The following LGALS9 variants were observed in gnomAD, a reference collection of about 807,000 sequenced individuals.
LGALS9 encodes the protein galectin-9.
A neutral mutation model predicts 35.9 loss-of-function variants in LGALS9; 26 were observed. The ratio of observed to expected loss-of-function variants is 0.72; its 90% confidence interval spans 0.53 to 1.01. The LOEUF is 1.01. Ranked by LOEUF, LGALS9 falls within the 50% of genes least tolerant of loss-of-function variation. The pLI, the probability that LGALS9 is intolerant of heterozygous loss-of-function variation, is 0.00. For synonymous variants in LGALS9, 149 were observed against 172.2 expected, an observed-to-expected ratio of 0.87 and a Z score of 1.06; for missense variants, 347 against 445.8, an observed-to-expected ratio of 0.78 and a Z score of 1.99.
chr17:27,645,113 C>T (rs567384490), intron 5 of LGALS9: 27 of 998,330 alleles, frequency 2.7e-5, no homozygotes, highest in Admixed American at 7.5e-5. Context: ...ACCCTACCCC[C>T]CAACCCCAAA....
At chr17:27,642,467 A>C (rs1598185141) in intron 4 of LGALS9, 119 bp downstream of exon 4, 4 of 1,428,950 alleles carry the variant, frequency 2.8e-6, no homozygotes, top group Non-Finnish European at 3.7e-6. Flanking sequence ...TCTGGGGACA[A>C]CCTCTGCTTC....
intron 2 of LGALS9, among the ~76,000 whole-genome samples, chr17:27,639,323 G>A (rs950303698): frequency 1.2e-4 from 18 of 151,872 alleles, no homozygotes; most frequent in African/African-American, 2.7e-4. Flanking sequence ...CTGATCTTCC[G>A]CCCCTTCCTC....
At chr17:27,635,934 G>T (rs2074445695) in intron 1 of LGALS9, among the ~76,000 whole-genome samples, 1 of 152,212 alleles carries the variant, frequency 6.6e-6, no homozygotes, top group Admixed American at 6.5e-5. Flanking sequence ...TGCTGGTGTA[G>T]ACAGGGACAA....
At chr17:27,638,684 C>T (rs983242509) in intron 2 of LGALS9, 42 of 386,892 alleles carry the variant, frequency 1.1e-4, no homozygotes, top group East Asian at 6.2e-4. Flanking sequence ...AAACTTCCTC[C>T]ATTTCCCGTA....
At chr17:27,646,931 T>C in intron 8 of LGALS9, 99 bp from the exon 9 acceptor site, 2 of 1,542,062 alleles carry the variant, frequency 1.3e-6, no homozygotes, top group Non-Finnish European at 1.8e-6. Context: ...CAAGTAAAGA[T>C]ATCATGGGCT....
At chr17:27,636,670 A>G (rs891254998) in intron 1 of LGALS9, among the ~76,000 whole-genome samples, 1 of 151,770 alleles carries the variant, frequency 6.6e-6, no homozygotes, top group Non-Finnish European at 1.5e-5. Flanking sequence ...TGGGGGTCCC[A>G]TTACGTTGTT....
At chr17:27,640,508 C>T in intron 2 of LGALS9, 64 bp from the exon 3 acceptor site, 1 of 1,609,362 alleles carries the variant, frequency 6.2e-7, no homozygotes, top group South Asian at 1.1e-5. Flanking sequence ...CGCCGAGGCC[C>T]TCCTGTGCCT....
intron 1 of LGALS9, among the ~76,000 whole-genome samples, chr17:27,634,635 T>C (rs1295114357): frequency 3.3e-5 from 5 of 152,204 alleles, no homozygotes; most frequent in Non-Finnish European, 5.9e-5. Flanking sequence ...TGTGCTTCTG[T>C]TGTCACATCT....
intron 1 of LGALS9, among the ~76,000 whole-genome samples, chr17:27,635,442 C>CTAAATAAA (rs67262429): frequency 4.9e-4 from 69 of 140,486 alleles, no homozygotes; most frequent in African/African-American, 1.2e-3. Context: ...GAACCCATCT[C>CTAAATAAA]TAAATAAATA....
rs1441556097 is a variant in LGALS9, at chr17:27,645,966, A to G, written c.627+55A>G. On this transcript the variant is annotated intron_variant, in intron 7 of 10. Coordinates refer to ENST00000395473, the MANE Select transcript of LGALS9 (RefSeq NM_009587.3). ...GCTGCACAGTGTCCTCCTTCACCAA[A>G]AACTAAACTCCCTAGAGCCCTAGAG... 4.7e-5 allele frequency: 75 copies of G among 1,612,678 alleles called. 1 individual carries two copies. The highest frequency in any genetic ancestry group is 3.3e-4 in the East Asian group (15 of 44,860).
At chr17:27,645,126 C>G (rs1257414365) in intron 5 of LGALS9, 188 bp from the exon 6 acceptor site, 5 of 1,143,122 alleles carry the variant, frequency 4.4e-6, no homozygotes, top group Non-Finnish European at 6.3e-6. Context: ...ACCCCAAAGC[C>G]CTGTACACCT....
chr17:27,640,966 T>G, intron 3 of LGALS9, 193 bp downstream of exon 3: 2 of 860,652 alleles, frequency 2.3e-6, no homozygotes. Context: ...AATCTACAGG[T>G]GCACCTGCTG....
chr17:27,648,737 A>G (rs1905110707), intron 10 of LGALS9, 99 bp from the exon 11 acceptor site: 2 of 1,572,810 alleles, frequency 1.3e-6, no homozygotes, highest in African/African-American at 1.5e-5. Flanking sequence ...CTTATTAACA[A>G]CTGAGGAGGG....
At chr17:27,639,477 C>T (rs1032085832) in intron 2 of LGALS9, among the ~76,000 whole-genome samples, 10 of 152,036 alleles carry the variant, frequency 6.6e-5, no homozygotes, top group African/African-American at 2.2e-4. Context: ...GCAGGAATTT[C>T]GAAAGGACTA....
chr17:27,631,765 C>T (rs34595284), intron 1 of LGALS9, among the ~76,000 whole-genome samples: 34,220 of 151,580 alleles, frequency 0.23, 3,969 homozygotes, highest in Admixed American at 0.3. Context: ...ATACTTGAGC[C>T]CCCCACTCCC....
intron 1 of LGALS9, among the ~76,000 whole-genome samples, chr17:27,634,481 A>T (rs892484565): frequency 4.6e-5 from 7 of 151,648 alleles, no homozygotes; most frequent in African/African-American, 1.7e-4. Flanking sequence ...AGCCTGAGGA[A>T]GTGGAGGCTA....
chr17:27,645,087 A>C, intron 5 of LGALS9: 1 of 741,838 alleles, frequency 1.3e-6, no homozygotes, highest in Non-Finnish European at 2.2e-6. Flanking sequence ...CTCTCTCGAG[A>C]GGAACCAGTG....
chr17:27,639,004 G>A (rs2074486528), intron 2 of LGALS9, among the ~76,000 whole-genome samples: 1 of 152,130 alleles, frequency 6.6e-6, no homozygotes, highest in Non-Finnish European at 1.5e-5. Context: ...CTCTCTCCTG[G>A]TTTAGTGGGG....
chr17:27,641,754 G>A (rs1235841089), intron 3 of LGALS9, among the ~76,000 whole-genome samples: 6 of 151,890 alleles, frequency 4.0e-5, no homozygotes, highest in African/African-American at 1.5e-4. Context: ...AGGGCGGATC[G>A]CTTCAGGTCA....
Sources: gnomAD v4.1 joint callset for allele counts (sites outside exome capture counted in the v4.1 genomes callset) on GRCh38, gnomAD v4.1.1 for gene constraint, MANE v1.5 for transcripts, NCBI Gene and HGNC (gene_info 2026-07-23, HGNC 2026-07-21) for gene names.